SEC23IP: variants seen among roughly 807,000 people sequenced by gnomAD.
SEC23IP encodes SEC23 interacting protein.
SEC23IP carries 70 observed loss-of-function variants against 113.4 expected under a neutral mutation model. That is an observed-to-expected ratio of 0.62 (90% CI 0.51 to 0.75). The LOEUF is 0.75. Among genes scored for constraint, SEC23IP ranks in the 30% least tolerant of loss-of-function variants. SEC23IP has a pLI of 0.00. For synonymous variants in SEC23IP, 398 were observed against 421.0 expected, an observed-to-expected ratio of 0.95 and a Z score of 0.67; for missense variants, 1,160 against 1,204.9, an observed-to-expected ratio of 0.96 and a Z score of 0.55.
rs948838761 is a variant in SEC23IP at position 119,944,252 on chromosome 10, C to T, written c.*3687C>T. On this transcript the variant is annotated 3_prime_UTR_variant, in exon 19 of 19. Transcript: ENST00000369075. ...AGTGGCAGTTTTCCCTGCACTCTCT[C>T]CTGCCACCTTGTGAAGAAGGTGCCT... The T allele has an allele frequency of 6.6e-5, 10 of 152,192 alleles. No homozygotes were observed. Among genetic ancestry groups the T allele is most frequent in the African/African-American group, 2.2e-4 (9 of 41,450 alleles). The allele number at this position is 152,192 out of a possible 1,614,324, so 9.4% of individuals were successfully genotyped here.
At position 119,892,858 on chromosome 10, in the gene SEC23IP, T is replaced by A; in HGVS notation, c.76T>A (p.Ser26Thr). 6.2e-7 allele frequency: 1 copy of A among 1,614,034 alleles called. No homozygotes were observed. The highest frequency in any genetic ancestry group is 8.5e-7 in the Non-Finnish European group (1 of 1,179,970). Reference protein sequence around the residue: ...SSSGTNLLFSSSATEFSFNVP... With the variant: ...SSSGTNLLFSTSATEFSFNVP... The stretch of plus-strand genomic sequence containing the variant: ...ATCGGGCACTAACTTACTTTTCTCC[T>A]CCTCGGCCACGGAGTTCAGCTTCAA... Residue 26 changes from serine to threonine, a missense_variant, in exon 1 of 19, where the codon TCC becomes ACC. Ser to Thr is a moderately conservative substitution (Grantham distance 58). Coordinates refer to ENST00000369075, the MANE Select transcript of SEC23IP (RefSeq NM_007190.4).
At chr10:119,940,124 C>T (rs1564929990) in intron 18 of SEC23IP, among the ~76,000 whole-genome samples, 2 of 151,750 alleles carry the variant, frequency 1.3e-5, no homozygotes, top group African/African-American at 2.4e-5. Flanking sequence ...GACTTGCTTA[C>T]AGGCTGTGCT....
At chr10:119,936,149 T>G (rs1344593635) in intron 18 of SEC23IP, among the ~76,000 whole-genome samples, 1 of 152,214 alleles carries the variant, frequency 6.6e-6, no homozygotes, top group Non-Finnish European at 1.5e-5. Context: ...ATTTTCCAAA[T>G]TTTCTCCATT....
intron 10 of SEC23IP, among the ~76,000 whole-genome samples, 175 bp downstream of exon 10, chr10:119,918,686 G>A (rs550923837): frequency 1.0e-3 from 154 of 152,246 alleles, no homozygotes; most frequent in African/African-American, 3.3e-3. Flanking sequence ...GGCCTCAAGC[G>A]ATCCTCCTGC....
At chr10:119,909,318 A>C (rs960498888) in intron 5 of SEC23IP, among the ~76,000 whole-genome samples, 188 bp downstream of exon 5, 3 of 152,264 alleles carry the variant, frequency 2.0e-5, no homozygotes, top group African/African-American at 7.2e-5. Flanking sequence ...CACACTGATC[A>C]TAGAAACAAA....
chr10:119,893,067 A>T, intron 1 of SEC23IP, 122 bp downstream of exon 1: 1 of 1,104,396 alleles, frequency 9.1e-7, no homozygotes, highest in Non-Finnish European at 1.3e-6. Context: ...TGCCAGGATC[A>T]TTACTGGCCA....
intron 2 of SEC23IP, among the ~76,000 whole-genome samples, chr10:119,900,147 A>G (rs1854428235): frequency 6.6e-6 from 1 of 152,008 alleles, no homozygotes; most frequent in Non-Finnish European, 1.5e-5. Context: ...CCTGGTGTAC[A>G]TTTGCTAAGC....
chr10:119,894,748 A>G (rs1286968750), intron 1 of SEC23IP, among the ~76,000 whole-genome samples: 1 of 152,204 alleles, frequency 6.6e-6, no homozygotes, highest in African/African-American at 2.4e-5. Flanking sequence ...CCTCTGCACC[A>G]TTAAAGTTGT....
At chr10:119,922,754 G>C (rs900486884) in intron 12 of SEC23IP, among the ~76,000 whole-genome samples, 1 of 152,126 alleles carries the variant, frequency 6.6e-6, no homozygotes, top group East Asian at 1.9e-4. Flanking sequence ...GCAGTTAAGA[G>C]GTATCTTTCA....
chr10:119,914,823 A>C lies in SEC23IP; in HGVS notation c.1402+4A>C, dbSNP rs1268838349. ...TTTAGGAGCATTATTGAGTGTGGTA[A>C]GTGTTGGGTATATTGTATTTCATGG... On this transcript the variant is annotated splice_donor_region_variant and intron_variant, in intron 7 of 18. Coordinates refer to ENST00000369075, the MANE Select transcript of SEC23IP (RefSeq NM_007190.4). 1 of 1,611,704 alleles carries C rather than the reference A, an allele frequency of 6.2e-7. No homozygotes were observed. Among genetic ancestry groups the C allele is most frequent in the East Asian group, 2.2e-5 (1 of 44,872 alleles).
chr10:119,941,180 G>A lies in SEC23IP; in HGVS notation c.*615G>A, dbSNP rs1855952945. On this transcript the variant is annotated 3_prime_UTR_variant, in exon 19 of 19. Coordinates refer to ENST00000369075, the MANE Select transcript of SEC23IP (RefSeq NM_007190.4). The stretch of plus-strand genomic sequence containing the variant: ...TTTATAAATCCCTCAAACGATTGCT[G>A]AGAGCCTGATTGTGGAAAGAAGTGA... 6.6e-6 allele frequency: 1 copy of A among 152,172 alleles called. No homozygotes were observed. Among genetic ancestry groups the A allele is most frequent in the African/African-American group, 2.4e-5 (1 of 41,440 alleles). 9.4% of individuals were successfully genotyped at this position (152,172 alleles called of 1,614,324 possible).
At chr10:119,900,297 G>GTA (rs60279621) in intron 2 of SEC23IP, among the ~76,000 whole-genome samples, 66 of 149,414 alleles carry the variant, frequency 4.4e-4, no homozygotes, top group South Asian at 1.1e-3. Flanking sequence ...GTGTGTGTGT[G>GTA]TATATATATA....
intron 5 of SEC23IP, among the ~76,000 whole-genome samples, chr10:119,911,364 G>A (rs1026665031): frequency 4.0e-5 from 6 of 151,260 alleles, no homozygotes; most frequent in African/African-American, 9.7e-5. Flanking sequence ...GAGCTCAAGC[G>A]GTCCTCCCAT....
chr10:119,898,962 A>G lies in SEC23IP; in HGVS notation c.696+3A>G. 5 of 1,552,928 alleles carry G rather than the reference A, an allele frequency of 3.2e-6. No individual in the cohort carries two copies. Among genetic ancestry groups the G allele is most frequent in the Non-Finnish European group, 4.3e-6 (5 of 1,155,378 alleles). ...TGCCTCCAGGATCTTTGCCACCGGT[A>G]TGGAGACATGATTTTGTGTCCTACT... On this transcript the variant is annotated splice_donor_region_variant and intron_variant, in intron 2 of 18. Transcript: ENST00000369075.
At chr10:119,902,558 T>G (rs1800468695) in intron 2 of SEC23IP, among the ~76,000 whole-genome samples, 1 of 105,450 alleles carries the variant, frequency 9.5e-6, no homozygotes, top group African/African-American at 4.0e-5. Flanking sequence ...GCATGCAATG[T>G]GTAATCATCA....
intron 4 of SEC23IP, among the ~76,000 whole-genome samples, chr10:119,908,698 C>G (rs534042345): frequency 6.6e-6 from 1 of 152,102 alleles, no homozygotes; most frequent in Non-Finnish European, 1.5e-5. Context: ...CTTCCTGGCA[C>G]CTAATTTTCT....
chr10:119,895,545 TAGAA>T (rs963933317), intron 1 of SEC23IP, among the ~76,000 whole-genome samples: 4 of 152,098 alleles, frequency 2.6e-5, no homozygotes, highest in African/African-American at 9.7e-5. Flanking sequence ...TTAGAACAGT[TAGAA>T]AGAGGGATTG....
chr10:119,933,802 A>G lies in SEC23IP; in HGVS notation c.*20+15A>G. Reference sequence around the variant, plus strand: ...AGTTTTACTGTGTGAGTTTATCCTTATTGAATGTATAAATTCTGAATGTTT... The same window carrying G: ...AGTTTTACTGTGTGAGTTTATCCTTGTTGAATGTATAAATTCTGAATGTTT... On this transcript the variant is annotated intron_variant, in intron 18 of 18. Transcript: ENST00000369075. 8.7e-7 allele frequency: 1 copy of G among 1,152,392 alleles called. No homozygotes were observed. Among genetic ancestry groups the G allele is most frequent in the Non-Finnish European group, 1.3e-6 (1 of 765,676 alleles). The allele number at this position is 1,152,392 out of a possible 1,614,324, so 71.4% of individuals were successfully genotyped here.
intron 6 of SEC23IP, among the ~76,000 whole-genome samples, chr10:119,914,026 G>A (rs555748098): frequency 5.3e-5 from 8 of 152,218 alleles, no homozygotes; most frequent in Non-Finnish European, 5.9e-5. Context: ...TGGGCGTGGT[G>A]GTGGGTGCCT....
Sources: gnomAD v4.1 joint callset for allele counts (sites outside exome capture counted in the v4.1 genomes callset) on GRCh38, gnomAD v4.1.1 for gene constraint, MANE v1.5 for transcripts, NCBI Gene and HGNC (gene_info 2026-07-23, HGNC 2026-07-21) for gene names.